Variants in PLXNA4 observed in about 807,000 individuals in gnomAD.
PLXNA4 encodes the protein plexin A4.
In PLXNA4, 44 loss-of-function variants were observed where a neutral mutation model predicts 191.8. The ratio of observed to expected loss-of-function variants is 0.23; its 90% CI spans 0.18 to 0.29. The LOEUF is 0.29. Among genes scored for constraint, PLXNA4 ranks in the 10% least tolerant of loss-of-function variants. The probability of loss-of-function intolerance (pLI) is 1.00; values close to 1 mark genes in which losing one functional copy is unlikely to be tolerated. For synonymous variants in PLXNA4, 1,082 were observed against 1,009.5 expected, an observed-to-expected ratio of 1.07 and a Z score of -1.36; for missense variants, 1,800 against 2,488.8, an observed-to-expected ratio of 0.72 and a Z score of 5.89.
rs545910763 is a variant in PLXNA4 at position 132,295,029 on chromosome 7, A to G, written c.1503+3062T>C. Among the ~76,000 whole-genome samples, 167 of 152,366 alleles carry G rather than the reference A, an allele frequency of 1.1e-3. 1 individual carries two copies. The highest frequency in any genetic ancestry group is 3.8e-3 in the African/African-American group (157 of 41,580). On this transcript the variant is annotated intron_variant, in intron 4 of 31. Coordinates refer to ENST00000321063, the MANE Select transcript of PLXNA4 (RefSeq NM_020911.2). ...TGTGCTATTTTGTTATGGCAGCCCT[A>G]GCCAATGAATATAAGTGGTAGATTA...
intron 4 of PLXNA4, among the ~76,000 whole-genome samples, chr7:132,295,314 A>G (rs1386818424): frequency 6.6e-6 from 1 of 152,216 alleles, no homozygotes; most frequent in African/African-American, 2.4e-5. Context: ...GCTACTATAG[A>G]CATGTCTAAC....
At chr7:132,409,846 G>A (rs10085804) in intron 3 of PLXNA4, among the ~76,000 whole-genome samples, 21,457 of 152,162 alleles carry the variant, frequency 0.14, 3,214 homozygotes, top group African/African-American at 0.36. Flanking sequence ...AGGCTGGCTC[G>A]TCCTCCGGGA....
intron 2 of PLXNA4, among the ~76,000 whole-genome samples, chr7:132,610,763 TCTC>T (rs1338459968): frequency 6.6e-6 from 1 of 151,950 alleles, no homozygotes; most frequent in East Asian, 1.9e-4. Flanking sequence ...AGGCTCCTCT[TCTC>T]CTCCCAGTTT....
At chr7:132,200,306 G>T (rs1267811770) in intron 12 of PLXNA4, among the ~76,000 whole-genome samples, 1 of 152,150 alleles carries the variant, frequency 6.6e-6, no homozygotes, top group African/African-American at 2.4e-5. Flanking sequence ...GCAGCCCCCT[G>T]GGTTGGTTTC....
In PLXNA4 at chr7:132,216,743, G is replaced by A. The variant is rs550134117; in HGVS notation, c.2098-5600C>T. ...TAAAGACACTAAGGACACCGTTTACGTCACTCTGCCCATGGCAATGATGAG... is the reference window on the plus strand; with the variant it reads ...TAAAGACACTAAGGACACCGTTTACATCACTCTGCCCATGGCAATGATGAG... On this transcript the variant is annotated intron_variant, in intron 9 of 31. Transcript: ENST00000321063. Among the ~76,000 whole-genome samples, 93 of 152,220 alleles carry A rather than the reference G, an allele frequency of 6.1e-4. 1 individual carries two copies. Among genetic ancestry groups the A allele is most frequent in the Non-Finnish European group, 1.1e-3 (73 of 68,016 alleles).
intron 1 of PLXNA4, among the ~76,000 whole-genome samples, chr7:132,522,787 A>G (rs1398052074): frequency 6.6e-6 from 1 of 152,138 alleles, no homozygotes; most frequent in African/African-American, 2.4e-5. Context: ...AAATAAATAA[A>G]CAAACCCCAA....
chr7:132,508,192 A>C lies in PLXNA4; in HGVS notation c.502T>G (p.Ser168Ala), dbSNP rs1798560157. 6.2e-7 allele frequency: 1 copy of C among 1,614,076 alleles called. No individual in the cohort carries two copies. Among genetic ancestry groups the C allele is most frequent in the African/African-American group, 1.3e-5 (1 of 74,936 alleles). ...HYLSGVNESG[S>A]VFGVIVSYSN... ...TAGGAGACGATCACTCCAAAGACTG[A>C]GCCGCTCTCGTTGACACCTGACAGA... is the stretch of plus-strand genomic sequence containing the variant. Residue 168 changes from serine (S) to alanine (A), a missense_variant, in exon 2 of 32, where the codon TCA (serine) becomes GCA (alanine). Coordinates refer to ENST00000321063, the MANE Select transcript of PLXNA4 (RefSeq NM_020911.2). This position sits in a 1 kb window ranked among gnomAD's most constrained non-coding sequence, Gnocchi z 4.4.
At chr7:132,286,586 C>T (rs1584946449) in intron 4 of PLXNA4, among the ~76,000 whole-genome samples, 1 of 152,170 alleles carries the variant, frequency 6.6e-6, no homozygotes, top group African/African-American at 2.4e-5. Context: ...CCCACCCCTG[C>T]TCTACCTCCA....
Position 132,448,035 on chromosome 7 carries a change from C to A in PLXNA4, c.1371+41257G>T, listed in dbSNP as rs563811982. ...TAAAAAACAACAACAACAGAAAACA[C>A]CTCAAACAAAAAAAACGTATAGCAT... On this transcript the variant is annotated intron_variant, in intron 3 of 31. Transcript: ENST00000321063. Among the ~76,000 whole-genome samples the A allele has an allele frequency of 3.3e-5, 5 of 152,070 alleles. No individual in the cohort carries two copies. In the East Asian group the frequency reaches 5.8e-4, roughly 18 times the overall value.
At chr7:132,405,395 G>A (rs1033227379) in intron 3 of PLXNA4, among the ~76,000 whole-genome samples, 2 of 152,164 alleles carry the variant, frequency 1.3e-5, no homozygotes, top group African/African-American at 2.4e-5. Flanking sequence ...GACTCACCAC[G>A]AGATGCTGAG....
chr7:132,147,842 C>A (rs768698201), intron 27 of PLXNA4, 58 bp downstream of exon 27: 112 of 1,610,496 alleles, frequency 7.0e-5, no homozygotes, highest in Non-Finnish European at 9.3e-5. Context: ...ATGCTGCTGT[C>A]ATGACAACAG....
chr7:132,293,667 T>C (rs1045675779), intron 4 of PLXNA4, among the ~76,000 whole-genome samples: 1 of 152,228 alleles, frequency 6.6e-6, no homozygotes, highest in Non-Finnish European at 1.5e-5. Flanking sequence ...TATGTAAGAA[T>C]GGACAGCATA....
intron 3 of PLXNA4, among the ~76,000 whole-genome samples, chr7:132,360,970 T>C (rs570082382): frequency 1.3e-5 from 2 of 152,350 alleles, no homozygotes; most frequent in South Asian, 4.1e-4. Flanking sequence ...GCAGAATGCA[T>C]GGTAAATGGA....
chr7:132,469,779 T>C (rs979160161), intron 3 of PLXNA4, among the ~76,000 whole-genome samples: 1 of 152,216 alleles, frequency 6.6e-6, no homozygotes, highest in African/African-American at 2.4e-5. Flanking sequence ...CTGCCTAAAA[T>C]CACATCTTGC....
chr7:132,237,842 GTTTA>G (rs1460624641), intron 5 of PLXNA4, among the ~76,000 whole-genome samples: 1 of 152,164 alleles, frequency 6.6e-6, no homozygotes, highest in Non-Finnish European at 1.5e-5. Context: ...AACTGCTAAC[GTTTA>G]TTTGTGACAA....
intron 27 of PLXNA4, 89 bp from the exon 28 acceptor site, chr7:132,146,789 C>G: frequency 1.3e-6 from 2 of 1,560,304 alleles, no homozygotes; most frequent in Non-Finnish European, 1.7e-6. Context: ...CCGGCAGAAG[C>G]CAACGACTGT....
intron 4 of PLXNA4, among the ~76,000 whole-genome samples, chr7:132,286,112 C>T (rs1278133576): frequency 1.3e-5 from 2 of 152,176 alleles, no homozygotes; most frequent in Non-Finnish European, 2.9e-5. Context: ...GGAGCAATTC[C>T]CACAGCAGGA....
chr7:132,598,004 A>G (rs972187716), intron 2 of PLXNA4, among the ~76,000 whole-genome samples: 6 of 152,208 alleles, frequency 3.9e-5, no homozygotes, highest in South Asian at 2.1e-4. Flanking sequence ...GACCTATGGA[A>G]TATATACTCA....
chr7:132,407,811 GA>G (rs1794285760), intron 3 of PLXNA4, among the ~76,000 whole-genome samples: 2 of 152,186 alleles, frequency 1.3e-5, no homozygotes, highest in African/African-American at 4.8e-5. Context: ...CACAGAACAT[GA>G]ACTTAGAACA....
Sources: gnomAD v4.1 joint callset for allele counts (sites outside exome capture counted in the v4.1 genomes callset) on GRCh38, gnomAD v4.1.1 for gene constraint, Gnocchi (gnomAD v3.1) non-coding constraint, MANE v1.5 for transcripts, NCBI Gene and HGNC (gene_info 2026-07-23, HGNC 2026-07-21) for gene names.